The following TRAPPC9 variants were observed in gnomAD, a reference collection of about 807,000 sequenced individuals.
TRAPPC9 encodes trafficking protein particle complex subunit 9, also known as IKK2 binding protein.
TRAPPC9 carries 83 observed loss-of-function variants against 124.0 expected under a neutral mutation model. The ratio of observed to expected loss-of-function variants is 0.67; its 90% CI spans 0.56 to 0.80. The LOEUF is 0.80. Among genes scored for constraint, TRAPPC9 ranks in the 30% least tolerant of loss-of-function variants. The pLI is 0.00. For synonymous variants in TRAPPC9, 638 were observed against 617.5 expected (o/e 1.03, Z -0.49); for missense variants, 1,302 against 1,508.3 (o/e 0.86, Z 2.27).
intron 16 of TRAPPC9, among the ~76,000 whole-genome samples, chr8:140,234,527 A>G (rs1410505998): frequency 2.0e-5 from 3 of 152,252 alleles, no homozygotes; most frequent in African/African-American, 7.2e-5. Flanking sequence ...AGTGCATGGA[A>G]TAAAACAGAT....
intron 19 of TRAPPC9, among the ~76,000 whole-genome samples, chr8:139,920,270 C>T (rs925544439): frequency 2.6e-5 from 4 of 152,194 alleles, no homozygotes; most frequent in Non-Finnish European, 4.4e-5. Flanking sequence ...AACCTGGACT[C>T]AGGAGGTGGA....
intron 17 of TRAPPC9, among the ~76,000 whole-genome samples, chr8:140,061,337 AT>A (rs1331234928): frequency 1.3e-5 from 2 of 152,100 alleles, no homozygotes; most frequent in Non-Finnish European, 2.9e-5. Flanking sequence ...TTGAGGCCAT[AT>A]TTTAATTTTG....
intron 5 of TRAPPC9, among the ~76,000 whole-genome samples, chr8:140,420,390 C>A (rs1367836607): frequency 6.6e-6 from 1 of 152,062 alleles, no homozygotes; most frequent in Non-Finnish European, 1.5e-5. Flanking sequence ...TACGGAAATT[C>A]AAAGGATCCA....
At chr8:139,943,348 T>C (rs908608296) in intron 19 of TRAPPC9, among the ~76,000 whole-genome samples, 2 of 152,230 alleles carry the variant, frequency 1.3e-5, no homozygotes, top group Admixed American at 6.5e-5. Context: ...ATTACAGGCA[T>C]GAACCACTGT....
intron 21 of TRAPPC9, among the ~76,000 whole-genome samples, chr8:139,838,740 G>T (rs530108146): frequency 6.6e-6 from 1 of 152,184 alleles, no homozygotes; most frequent in African/African-American, 2.4e-5. Flanking sequence ...ACTCTTGACC[G>T]CATCAAAGGT....
intron 17 of TRAPPC9, among the ~76,000 whole-genome samples, chr8:140,106,981 G>A (rs548030876): frequency 3.9e-5 from 6 of 152,242 alleles, no homozygotes; most frequent in African/African-American, 7.2e-5. Context: ...ATAGGAGTTC[G>A]GATCCTGAGC....
At chr8:140,308,836 G>A (rs896669492) in intron 10 of TRAPPC9, among the ~76,000 whole-genome samples, 23 of 151,592 alleles carry the variant, frequency 1.5e-4, no homozygotes, top group Admixed American at 1.4e-3. Flanking sequence ...AGCCAACATC[G>A]TACCACTGCA....
intron 19 of TRAPPC9, among the ~76,000 whole-genome samples, chr8:139,915,866 C>T (rs1426143119): frequency 6.6e-6 from 1 of 152,220 alleles, no homozygotes; most frequent in Non-Finnish European, 1.5e-5. Context: ...TACACCCAAA[C>T]TTCCTTTTGG....
In TRAPPC9 at chr8:139,825,786, C is replaced by T. The variant is rs962608187; in HGVS notation, c.3055+60093G>A. 2.0e-5 allele frequency among the ~76,000 whole-genome samples: 3 copies of T among 152,194 alleles called. No individual in the cohort carries two copies. The highest frequency in any genetic ancestry group is 1.9e-4 in the East Asian group (1 of 5,168). On this transcript the variant is annotated intron_variant, in intron 21 of 22. Transcript: ENST00000438773. The surrounding 1 kb of genome is among the most constrained non-coding windows in gnomAD (Gnocchi z 4.6). ...CAATTCCGAAGAGCAGACGAGCCTC[C>T]GAGACAACAGCCGTGAGACGATGGC...
chr8:140,314,459 C>T (rs2066391658), intron 9 of TRAPPC9, among the ~76,000 whole-genome samples: 1 of 152,190 alleles, frequency 6.6e-6, no homozygotes, highest in South Asian at 2.1e-4. Context: ...GTGATAAGAG[C>T]ATTCAAATTC....
At chr8:139,946,310 T>C (rs1162329470) in intron 19 of TRAPPC9, among the ~76,000 whole-genome samples, 1 of 152,234 alleles carries the variant, frequency 6.6e-6, no homozygotes, top group Non-Finnish European at 1.5e-5. Context: ...AGTCTCACTT[T>C]CATCATCTGT....
chr8:139,734,123 C>T (rs561100146), intron 21 of TRAPPC9, among the ~76,000 whole-genome samples: 1 of 152,224 alleles, frequency 6.6e-6, no homozygotes, highest in Non-Finnish European at 1.5e-5. Context: ...GCCTCTAGGC[C>T]TGTCTCCTCT....
intron 21 of TRAPPC9, among the ~76,000 whole-genome samples, chr8:139,792,726 C>T (rs528596824): frequency 6.6e-6 from 1 of 152,376 alleles, no homozygotes; most frequent in Admixed American, 6.5e-5. Flanking sequence ...GGGACCCCCA[C>T]AGTGCATTGC....
intron 17 of TRAPPC9, among the ~76,000 whole-genome samples, chr8:140,033,671 T>TTTGTTTG (rs1840667717): frequency 1.2e-5 from 1 of 82,928 alleles, no homozygotes; most frequent in Non-Finnish European, 2.2e-5. Context: ...TTTTTTTTTT[T>TTTGTTTG]TTTTTTTTTT....
At chr8:139,839,156 C>T (rs115943346) in intron 21 of TRAPPC9, among the ~76,000 whole-genome samples, 5,650 of 152,330 alleles carry the variant, frequency 0.037, 145 homozygotes, top group Non-Finnish European at 0.041. Flanking sequence ...TGTGCTTGTC[C>T]GGGACGTGGC....
At chr8:139,755,901 G>GCA (rs1819723704) in intron 21 of TRAPPC9, among the ~76,000 whole-genome samples, 1 of 139,874 alleles carries the variant, frequency 7.1e-6, no homozygotes, top group Non-Finnish European at 1.5e-5. Context: ...GATGAGGACA[G>GCA]TGTGTCGCAG....
chr8:140,272,641 G>A (rs564561452), intron 15 of TRAPPC9, among the ~76,000 whole-genome samples: 80 of 152,214 alleles, frequency 5.3e-4, no homozygotes, highest in Non-Finnish European at 9.3e-4. Flanking sequence ...GTACAAGCAC[G>A]GAGCTGGCCT....
At chr8:139,892,103 C>T (rs1830390589) in intron 20 of TRAPPC9, among the ~76,000 whole-genome samples, 1 of 152,236 alleles carries the variant, frequency 6.6e-6, no homozygotes, top group Non-Finnish European at 1.5e-5. Flanking sequence ...TGGGCCGCCA[C>T]AAGCACATGC....
intron 19 of TRAPPC9, chr8:139,932,842 A>T (rs1833274161): frequency 6.5e-6 from 2 of 308,182 alleles, no homozygotes; most frequent in Non-Finnish European, 1.3e-5. Context: ...ATGTAAGAAG[A>T]TGTCAACTCA....
Sources: allele counts gnomAD v4.1 joint callset (sites outside exome capture counted in the v4.1 genomes callset), GRCh38; gene constraint gnomAD v4.1.1; non-coding constraint Gnocchi (gnomAD v3.1); transcripts MANE v1.5; gene names NCBI Gene and HGNC (gene_info 2026-07-23, HGNC 2026-07-21).